Variants in PHF20L1 observed in about 807,000 individuals in gnomAD.
The protein encoded by PHF20L1 is PHD finger protein 20-like protein 1.
In PHF20L1, 44 loss-of-function variants were observed where a neutral mutation model predicts 125.5. The ratio of observed to expected loss-of-function variants is 0.35; its 90% CI spans 0.28 to 0.45. The LOEUF (loss-of-function observed/expected upper bound fraction) is 0.45. Among genes scored for constraint, PHF20L1 ranks in the 20% least tolerant of loss-of-function variants. The pLI, the probability that PHF20L1 is intolerant of heterozygous loss-of-function variation, is 1.00. For synonymous variants in PHF20L1, 380 were observed against 403.1 expected (o/e 0.94, Z 0.69); for missense variants, 1,012 against 1,217.2 (o/e 0.83, Z 2.51).
intron 9 of PHF20L1, chr8:132,812,789 C>T: frequency 1.0e-6 from 1 of 983,028 alleles, no homozygotes; most frequent in Non-Finnish European, 1.2e-6. Flanking sequence ...TTGATTGTTA[C>T]TAACCTCTGT....
intron 9 of PHF20L1, chr8:132,812,162 T>C (rs780327822): frequency 4.5e-5 from 44 of 980,112 alleles, no homozygotes; most frequent in Non-Finnish European, 5.2e-5. Flanking sequence ...TTATTGTCAA[T>C]ATATCAACCA....
At chr8:132,844,918 A>ACATCATAGACGATATTCTG (rs1838281775) in intron 20 of PHF20L1, among the ~76,000 whole-genome samples, 1 of 151,978 alleles carries the variant, frequency 6.6e-6, no homozygotes, top group Non-Finnish European at 1.5e-5. Flanking sequence ...TTTCTTCCTA[A>ACATCATAGACGATATTCTG]CATCATAGAC....
rs1026644053 is a variant in PHF20L1 at position 132,837,116 on chromosome 8, T to G, written c.2091+395T>G. On this transcript the variant is annotated intron_variant, in intron 16 of 20. Coordinates refer to ENST00000395386, the MANE Select transcript of PHF20L1 (RefSeq NM_016018.5). ...GATTAAAACATAAAAATGTCCAGTATTCTTAAAGGAAAAATTTTGTTGCAG... is the reference window on the plus strand; with the variant it reads ...GATTAAAACATAAAAATGTCCAGTAGTCTTAAAGGAAAAATTTTGTTGCAG... Among the ~76,000 whole-genome samples, 10 of 152,298 alleles carry G rather than the reference T, an allele frequency of 6.6e-5. No individual in the cohort carries two copies. In the East Asian group the frequency reaches 1.9e-3, roughly 29 times the overall value.
intron 8 of PHF20L1, chr8:132,810,786 G>T (rs1834299465): frequency 2.5e-6 from 1 of 392,494 alleles, no homozygotes; most frequent in Non-Finnish European, 4.8e-6. Context: ...AAATGTGTGT[G>T]TGCAAGTGTG....
At position 132,814,617 on chromosome 8, in the gene PHF20L1, A is replaced by AT. The variant is rs766700076; in HGVS notation, c.931-14dup. 1.7e-5 allele frequency: 25 copies of AT among 1,508,468 alleles called. No individual in the cohort carries two copies. Among genetic ancestry groups the AT allele is most frequent in the African/African-American group, 4.3e-5 (3 of 70,490 alleles). 93.4% of individuals were successfully genotyped at this position (1,508,468 alleles called of 1,614,324 possible). A position where few individuals can be genotyped will look rare whatever the true frequency, so the allele number is the denominator to read the frequency against. ...TGAAGAAGCCAAAATAAAAATATCA[A>AT]TTTTTTATTATTTATTCAGGCGATT... On this transcript the variant is annotated intron_variant, in intron 9 of 20. Coordinates refer to ENST00000395386, the MANE Select transcript of PHF20L1 (RefSeq NM_016018.5).
chr8:132,812,050 A>G (rs1177858527), intron 9 of PHF20L1: 12 of 984,170 alleles, frequency 1.2e-5, no homozygotes, highest in Non-Finnish European at 1.4e-5. Context: ...TGGTGCCTCC[A>G]TTAATGTTGT....
At chr8:132,845,362 G>A (rs909525211) in intron 20 of PHF20L1, among the ~76,000 whole-genome samples, 1 of 152,016 alleles carries the variant, frequency 6.6e-6, no homozygotes. Flanking sequence ...GATTAGGTAT[G>A]TTTTATGTAG....
intron 1 of PHF20L1, among the ~76,000 whole-genome samples, chr8:132,775,953 C>T (rs1343852551): frequency 6.6e-6 from 1 of 152,140 alleles, no homozygotes; most frequent in Admixed American, 6.5e-5. Context: ...TTTGGCCTGG[C>T]GGTCATTCTC....
chr8:132,829,243 A>G (rs1305947230), intron 14 of PHF20L1, among the ~76,000 whole-genome samples: 3 of 152,026 alleles, frequency 2.0e-5, no homozygotes, highest in African/African-American at 7.2e-5. Context: ...TGAAAGGACA[A>G]TATATAATGG....
intron 18 of PHF20L1, chr8:132,841,774 C>T (rs1353195444): frequency 6.6e-6 from 1 of 152,050 alleles, no homozygotes; most frequent in Non-Finnish European, 1.5e-5. Flanking sequence ...GCATGTTATC[C>T]AGCAATCCCA....
chr8:132,829,948 G>T (rs968940548), intron 14 of PHF20L1, among the ~76,000 whole-genome samples: 1 of 151,862 alleles, frequency 6.6e-6, no homozygotes, highest in Admixed American at 6.6e-5. Flanking sequence ...GTTGTGCCGT[G>T]GTATTTATGA....
intron 14 of PHF20L1, among the ~76,000 whole-genome samples, chr8:132,828,706 G>A (rs1357427748): frequency 6.6e-6 from 1 of 151,962 alleles, no homozygotes; most frequent in Admixed American, 6.6e-5. Context: ...CACCATGTTG[G>A]GATTTAAGAG....
chr8:132,837,513 A>G (rs917315509), intron 16 of PHF20L1, among the ~76,000 whole-genome samples, 199 bp from the exon 17 acceptor site: 1 of 152,198 alleles, frequency 6.6e-6, no homozygotes, highest in African/African-American at 2.4e-5. Context: ...AACAAAAGAA[A>G]GTTCGTGAAG....
At chr8:132,842,479 T>C in intron 18 of PHF20L1, 36 bp from the exon 19 acceptor site, 1 of 1,533,740 alleles carries the variant, frequency 6.5e-7, no homozygotes, top group Non-Finnish European at 8.7e-7. Context: ...ATTTTTTTTT[T>C]TTTCTGAACT....
intron 2 of PHF20L1, among the ~76,000 whole-genome samples, chr8:132,779,070 C>T (rs911453084): frequency 1.3e-5 from 2 of 152,142 alleles, no homozygotes; most frequent in African/African-American, 4.8e-5. Flanking sequence ...TAACATCTGG[C>T]GTTAGAGCTT....
At chr8:132,805,274 A>G (rs1294196507) in intron 8 of PHF20L1, among the ~76,000 whole-genome samples, 1 of 151,890 alleles carries the variant, frequency 6.6e-6, no homozygotes, top group Non-Finnish European at 1.5e-5. Context: ...GGTCACAAGA[A>G]TCTGGGCTTA....
chr8:132,798,135 A>T (rs1832632958), intron 4 of PHF20L1, among the ~76,000 whole-genome samples: 1 of 152,076 alleles, frequency 6.6e-6, no homozygotes, highest in Admixed American at 6.6e-5. Context: ...TGAGATTGGA[A>T]GTATTAATTA....
rs567767302 is a variant in PHF20L1 at position 132,844,213 on chromosome 8, C to G, written c.2806C>G (p.Pro936Ala). The G allele has an allele frequency of 5.0e-6, 8 of 1,612,740 alleles. No individual in the cohort carries two copies. In the South Asian group the frequency reaches 7.7e-5, roughly 16 times the overall value. ...VYNDKKGTED[P>A]GDSHLQWQLN... is the part of the protein sequence containing the mutation. ...TAATGATAAAAAGGGCACCGAAGAC[C>G]CAGGAGACTCACATCTTCAGTGGCA... Residue 936 changes from proline to alanine, a missense_variant, in exon 20 of 21, where the codon CCA (proline) becomes GCA (alanine). Pro to Ala is a conservative substitution (Grantham distance 27). Coordinates refer to ENST00000395386, the MANE Select transcript of PHF20L1 (RefSeq NM_016018.5).
chr8:132,799,182 T>A lies in PHF20L1; in HGVS notation c.507+10T>A, dbSNP rs760951920. ...GTCTATGGGAAGTGAGGTAAGAGCC[T>A]TTTTTTTAAAAATTTTGTTTTGTTT... On this transcript the variant is annotated intron_variant, in intron 6 of 20. Coordinates refer to ENST00000395386, the MANE Select transcript of PHF20L1 (RefSeq NM_016018.5). 1 of 1,552,856 alleles carries A rather than the reference T, an allele frequency of 6.4e-7. No homozygotes were observed. Among genetic ancestry groups the A allele is most frequent in the Non-Finnish European group, 8.8e-7 (1 of 1,136,100 alleles).
Sources: gnomAD v4.1 joint callset for allele counts (sites outside exome capture counted in the v4.1 genomes callset) on GRCh38, gnomAD v4.1.1 for gene constraint, MANE v1.5 for transcripts, NCBI Gene and HGNC (gene_info 2026-07-23, HGNC 2026-07-21) for gene names.